The following FBXO24 variants were observed in gnomAD, a reference collection of about 807,000 sequenced individuals.
FBXO24 encodes the protein F-box protein 24.
A neutral mutation model predicts 63.5 loss-of-function variants in FBXO24; 30 were observed. The observed-to-expected ratio is 0.47, with a 90% CI of 0.35 to 0.64. FBXO24 has a LOEUF of 0.64. Ranked by LOEUF, FBXO24 falls within the 30% of genes least tolerant of loss-of-function variation. FBXO24 has a pLI of 0.00. For missense variants in FBXO24, 624 were observed against 763.4 expected (o/e 0.82, Z 2.15); for synonymous variants, 300 against 305.0 (o/e 0.98, Z 0.17).
chr7:100,590,070 G>C lies in FBXO24; in HGVS notation c.133G>C (p.Glu45Gln), dbSNP rs1261623250. 1.2e-6 allele frequency: 2 copies of C among 1,613,032 alleles called. No homozygotes were observed. Among genetic ancestry groups the C allele is most frequent in the Non-Finnish European group, 1.7e-6 (2 of 1,179,454 alleles). The change falls in exon 2 of 10, where the codon GAG becomes CAG. Residue 45 changes from glutamate (E) to glutamine (Q), a missense_variant. Physicochemically the swap from Glu to Gln is conservative, Grantham distance 29. This residue lies in a region of FBXO24 where 391 missense variants were observed against 469.1 expected (regional missense o/e 0.83). Coordinates refer to ENST00000241071, the MANE Select transcript of FBXO24 (RefSeq NM_033506.3). ...NPISIQLFPPELVEHIISFLP... is the reference protein window; with the variant it reads ...NPISIQLFPPQLVEHIISFLP... ...GATTTCCATCCAGTTGTTCCCCCCA[G>C]AGCTGGTGAGTCCTTGGGGAGGGGG...
At chr7:100,590,599 G>A (rs1801969199) in intron 3 of FBXO24, among the ~76,000 whole-genome samples, 1 of 152,084 alleles carries the variant, frequency 6.6e-6, no homozygotes, top group African/African-American at 2.4e-5. Context: ...GACACTTCCC[G>A]CTTTTTCCCT....
At chr7:100,591,024 T>G (rs1801990269) in intron 3 of FBXO24, among the ~76,000 whole-genome samples, 1 of 149,438 alleles carries the variant, frequency 6.7e-6, no homozygotes, top group Non-Finnish European at 1.5e-5. Context: ...TTCTTTCTTT[T>G]TCTTTGATTT....
intron 8 of FBXO24, among the ~76,000 whole-genome samples, chr7:100,596,107 G>A (rs534770934): frequency 1.3e-5 from 2 of 152,160 alleles, no homozygotes; most frequent in East Asian, 1.9e-4. Context: ...GTGAAACCCC[G>A]TCTCTACCAA....
At chr7:100,599,804 TG>T in intron 8 of FBXO24, 1 of 542,774 alleles carries the variant, frequency 1.8e-6, no homozygotes, top group Non-Finnish European at 3.3e-6. Context: ...GCTGATTTTC[TG>T]GGGGCATAGA....
In FBXO24 at chr7:100,595,694, G is replaced by A. The variant is rs148264318; in HGVS notation, c.1194G>A (p.Gly398=). 2 of 1,606,884 alleles carry A rather than the reference G, an allele frequency of 1.2e-6. No individual in the cohort carries two copies. Among genetic ancestry groups the A allele is most frequent in the Non-Finnish European group, 1.7e-6 (2 of 1,175,966 alleles). Residue 398 remains glycine (G), a synonymous_variant, in exon 8 of 10, where the codon GGG becomes GGA. Coordinates refer to ENST00000241071, the MANE Select transcript of FBXO24 (RefSeq NM_033506.3). ...GAACAGGGGACAAAATGGACCGAGGGGAACCCACACAGGTGAGACTATTTC... is the reference window on the plus strand; with the variant it reads ...GAACAGGGGACAAAATGGACCGAGGAGAACCCACACAGGTGAGACTATTTC... ...QLGTGDKMDR[G]EPTQVCYLQR... is the part of the protein sequence containing the mutation.
intron 7 of FBXO24, 139 bp downstream of exon 7, chr7:100,595,362 G>T: frequency 6.7e-7 from 1 of 1,485,384 alleles, no homozygotes; most frequent in East Asian, 2.3e-5. Flanking sequence ...GAGATCAGCT[G>T]GGGGCTCGGT....
At chr7:100,589,665 C>T (rs878995394) in intron 1 of FBXO24, 9 of 1,505,982 alleles carry the variant, frequency 6.0e-6, no homozygotes, top group South Asian at 5.0e-5. Context: ...CCAGCAGGAA[C>T]GGGGGGGCCA....
At position 100,600,698 on chromosome 7, in the gene FBXO24, G is replaced by C. The variant is rs759013523; in HGVS notation, c.1542G>C (p.Gly514=). 7 of 1,614,064 alleles carry C rather than the reference G, an allele frequency of 4.3e-6. No homozygotes were observed. Among genetic ancestry groups the C allele is most frequent in the Non-Finnish European group, 5.9e-6 (7 of 1,180,012 alleles). Residue 514 remains glycine (G), a synonymous_variant, in exon 10 of 10, where the codon GGG becomes GGC. Transcript: ENST00000241071. This position sits in a 1 kb window ranked among gnomAD's most constrained non-coding sequence, Gnocchi z 6.3. ...CCAGAGCACCCCAGGACCCCGGGGG[G>C]ATGGCCCAGGCCTGCGAGGAGTACC... ...LGARAPQDPG[G]MAQACEEYLS...
chr7:100,599,326 C>A (rs1562822548), intron 8 of FBXO24, among the ~76,000 whole-genome samples: 1 of 152,134 alleles, frequency 6.6e-6, no homozygotes, highest in Admixed American at 6.5e-5. Flanking sequence ...GTAATCCCAG[C>A]ACTTTGGGAG....
intron 1 of FBXO24, chr7:100,589,353 C>T: frequency 9.1e-7 from 1 of 1,097,686 alleles, no homozygotes; most frequent in Non-Finnish European, 1.1e-6. Flanking sequence ...GCTAAAAGGG[C>T]CTCAAATAGG....
chr7:100,587,811 G>A (rs1801827696), intron 1 of FBXO24, among the ~76,000 whole-genome samples: 1 of 150,870 alleles, frequency 6.6e-6, no homozygotes, highest in South Asian at 2.1e-4. Flanking sequence ...ATGTTGCCCA[G>A]GCTGGTCTCA....
At chr7:100,599,035 C>T (rs1802450782) in intron 8 of FBXO24, among the ~76,000 whole-genome samples, 1 of 150,176 alleles carries the variant, frequency 6.7e-6, no homozygotes, top group South Asian at 2.1e-4. Flanking sequence ...TTCGAGATCA[C>T]CATGAGCAAC....
chr7:100,592,013 C>A, intron 4 of FBXO24, 111 bp downstream of exon 4: 1 of 1,094,914 alleles, frequency 9.1e-7, no homozygotes, highest in Non-Finnish European at 1.3e-6. Context: ...GTAATCCTAG[C>A]ACTTTGGGAG....
At chr7:100,599,996 C>T (rs758338128) in intron 8 of FBXO24, 35 bp from the exon 9 acceptor site, 10 of 1,176,188 alleles carry the variant, frequency 8.5e-6, no homozygotes, top group Middle Eastern at 3.0e-4. Flanking sequence ...TCCCTTGGTG[C>T]TCCCTGCTCA....
intron 1 of FBXO24, 42 bp from the exon 2 acceptor site, chr7:100,589,935 T>C: frequency 1.9e-6 from 3 of 1,587,522 alleles, no homozygotes; most frequent in Non-Finnish European, 2.6e-6. Context: ...GAAAAAAGGA[T>C]GTGGGACCCT....
chr7:100,589,276 C>A (rs1018364527), intron 1 of FBXO24: 4 of 508,084 alleles, frequency 7.9e-6, no homozygotes, highest in South Asian at 1.7e-4. Flanking sequence ...TCTTGAGCTA[C>A]CAATCCCTAG....
intron 8 of FBXO24, among the ~76,000 whole-genome samples, chr7:100,596,690 T>C (rs996124319): frequency 9.9e-5 from 15 of 151,954 alleles, no homozygotes; most frequent in African/African-American, 3.4e-4. Flanking sequence ...CAGGAGCTAT[T>C]TGGGAAGAAA....
intron 3 of FBXO24, among the ~76,000 whole-genome samples, 194 bp downstream of exon 3, chr7:100,590,551 C>T (rs1462025769): frequency 1.3e-5 from 2 of 152,224 alleles, no homozygotes; most frequent in African/African-American, 2.4e-5. Flanking sequence ...CCACAGCCCC[C>T]GTTAGCGGCC....
rs186245079 is a variant in FBXO24 at position 100,586,376 on chromosome 7, C to T, written c.-250C>T. 74 of 631,628 alleles carry T rather than the reference C, an allele frequency of 1.2e-4. No homozygotes were observed. Among genetic ancestry groups the T allele is most frequent in the African/African-American group, 9.2e-4 (50 of 54,508 alleles). The allele number at this position is 631,628 out of a possible 1,614,324, so 39.1% of individuals were successfully genotyped here. A position where few individuals can be genotyped will look rare whatever the true frequency, so the allele number is the denominator to read the frequency against. Reference sequence around the variant, plus strand: ...CTCCAGGCCGTCCCGCCCAGCGCAGCTGCACCCAATCACAATGCTCAGATC... The same window carrying T: ...CTCCAGGCCGTCCCGCCCAGCGCAGTTGCACCCAATCACAATGCTCAGATC... On this transcript the variant is annotated 5_prime_UTR_variant, in exon 1 of 10. Transcript: ENST00000241071.
Sources: gnomAD v4.1 joint callset for allele counts (sites outside exome capture counted in the v4.1 genomes callset) on GRCh38, gnomAD v4.1.1 for gene constraint, gnomAD v4.1.1 regional missense constraint, Gnocchi (gnomAD v3.1) non-coding constraint, MANE v1.5 for transcripts, NCBI Gene and HGNC (gene_info 2026-07-23, HGNC 2026-07-21) for gene names.